Variants in TEAD3 observed in about 807,000 individuals in gnomAD.
TEAD3 encodes the protein TEA domain transcription factor 3.
TEAD3 carries 15 observed loss-of-function variants against 55.6 expected under a neutral mutation model. That is an observed-to-expected ratio of 0.27 (90% CI 0.18 to 0.42). The LOEUF (loss-of-function observed/expected upper bound fraction) is 0.42, where lower values mean the gene tolerates loss of function less well. Among genes scored for constraint, TEAD3 ranks in the 10% least tolerant of loss-of-function variants. TEAD3 has a pLI of 1.00. For synonymous variants in TEAD3, 210 were observed against 232.2 expected (o/e 0.90, Z 0.87); for missense variants, 407 against 576.8 (o/e 0.71, Z 3.01).
At chr6:35,479,831 A>G (rs1485747121) in intron 4 of TEAD3, among the ~76,000 whole-genome samples, 1 of 152,066 alleles carries the variant, frequency 6.6e-6, no homozygotes, top group Non-Finnish European at 1.5e-5. Context: ...GAAGAAGGAG[A>G]AAAAGAAAAA....
Position 35,484,700 on chromosome 6 carries a change from G to T in TEAD3, c.203-76C>A. The T allele has an allele frequency of 7.4e-7, 1 of 1,342,946 alleles. No individual in the cohort carries two copies. Among genetic ancestry groups the T allele is most frequent in the Non-Finnish European group, 1.0e-6 (1 of 958,986 alleles). The allele number at this position is 1,342,946 out of a possible 1,614,324, so 83.2% of individuals were successfully genotyped here. A position where few individuals can be genotyped will look rare whatever the true frequency, so the allele number is the denominator to read the frequency against. ...AGGCTGGAGGCCCCCACCCCACCGG[G>T]AAGCCACTCCAGGACCCTCCCCAAA... On this transcript the variant is annotated intron_variant, in intron 2 of 12. Transcript: ENST00000639578. This position sits in a 1 kb window ranked among gnomAD's most constrained non-coding sequence, Gnocchi z 5.8.
chr6:35,477,580 C>T (rs1332351655), intron 7 of TEAD3, among the ~76,000 whole-genome samples: 3 of 151,734 alleles, frequency 2.0e-5, no homozygotes. Flanking sequence ...GCTGATCTGC[C>T]CATTTAGTGT....
intron 7 of TEAD3, 95 bp from the exon 8 acceptor site, chr6:35,477,467 C>G (rs1768174900): frequency 8.1e-7 from 1 of 1,227,340 alleles, no homozygotes; most frequent in Non-Finnish European, 1.1e-6. Context: ...GCAAGCCACC[C>G]AGCCTTTCTG....
chr6:35,475,078 GC>G lies in TEAD3; in HGVS notation c.1273del (p.Ala425ProfsTer19). On this transcript the variant is annotated frameshift_variant, in exon 13 of 13. Transcript: ENST00000639578. LOFTEE classifies it high-confidence loss of function. The surrounding 1 kb of genome is among the most constrained non-coding windows in gnomAD (Gnocchi z 5.4). ...GACGAGCTTGTAGACATGGTGCTGGGCCCCGTGCTCACTGGTGGAGACTTCG... is the reference window on the plus strand; with the variant it reads ...GACGAGCTTGTAGACATGGTGCTGGGCCCGTGCTCACTGGTGGAGACTTCG... 1 of 1,597,504 alleles carries G rather than the reference GC, an allele frequency of 6.3e-7. No individual in the cohort carries two copies. Among genetic ancestry groups the G allele is most frequent in the South Asian group, 1.1e-5 (1 of 88,274 alleles).
chr6:35,478,606 G>A (rs377052291), intron 5 of TEAD3, 35 bp from the exon 6 acceptor site: 5 of 1,557,174 alleles, frequency 3.2e-6, no homozygotes, highest in African/African-American at 1.4e-5. Context: ...CCAGGGCCAC[G>A]CTGGATGAGG....
rs1405975029 is a variant in TEAD3, at chr6:35,486,948, G to T, written c.-49-237C>A. ...GCCTCAGTCCTGTAAAACGAGAAAA[G>T]GGTCTCCTTGAGGAGACCTCCTTGA... On this transcript the variant is annotated intron_variant, in intron 1 of 12. Transcript: ENST00000639578. This position sits in a 1 kb window ranked among gnomAD's most constrained non-coding sequence, Gnocchi z 7.3. 6.6e-6 allele frequency among the ~76,000 whole-genome samples: 1 copy of T among 152,168 alleles called. No homozygotes were observed. Among genetic ancestry groups the T allele is most frequent in the African/African-American group, 2.4e-5 (1 of 41,432 alleles).
Position 35,486,380 on chromosome 6 carries a change from C to T in TEAD3, c.202+81G>A, listed in dbSNP as rs561523286. The T allele has an allele frequency of 4.3e-5, 64 of 1,490,002 alleles. No homozygotes were observed. Among genetic ancestry groups the T allele is most frequent in the African/African-American group, 3.9e-4 (28 of 71,844 alleles). The allele number at this position is 1,490,002 out of a possible 1,614,324, so 92.3% of individuals were successfully genotyped here. A position where few individuals can be genotyped will look rare whatever the true frequency, so the allele number is the denominator to read the frequency against. On this transcript the variant is annotated intron_variant, in intron 2 of 12. Transcript: ENST00000639578. The surrounding 1 kb of genome is among the most constrained non-coding windows in gnomAD (Gnocchi z 7.3). ...CGCCCGGCCAGCGGCTGGCGGCCTC[C>T]GACGTCACCAAACCGGTTGGGTGAG...
rs963609947 is a variant in TEAD3, at chr6:35,488,049, C to T, written c.-49-1338G>A. ...GGAGAGTCCCTGACCCAGAAGGGCA[C>T]CATTTTATCTTCCCCCAAATCGATA... On this transcript the variant is annotated intron_variant, in intron 1 of 12. Coordinates refer to ENST00000639578, the Ensembl canonical transcript of TEAD3. The surrounding 1 kb of genome is among the most constrained non-coding windows in gnomAD (Gnocchi z 4.2). Among the ~76,000 whole-genome samples the T allele has an allele frequency of 6.8e-6, 1 of 148,032 alleles. No homozygotes were observed. The highest frequency in any genetic ancestry group is 1.5e-5 in the Non-Finnish European group (1 of 67,814).
At chr6:35,477,192 C>G in intron 8 of TEAD3, 119 bp downstream of exon 8, 1 of 1,037,148 alleles carries the variant, frequency 9.6e-7, no homozygotes. Flanking sequence ...TGGCCTGTCC[C>G]AATCTCCTGT....
At chr6:35,480,435 T>C (rs1768244553) in intron 3 of TEAD3, 61 bp from the exon 4 acceptor site, 3 of 1,592,422 alleles carry the variant, frequency 1.9e-6, no homozygotes, top group Admixed American at 3.5e-5. Flanking sequence ...GGCACAGCCA[T>C]GGGGTGGCCG....
At position 35,484,500 on chromosome 6, in the gene TEAD3, GA is replaced by G; in HGVS notation, c.267+59del. 6.5e-7 allele frequency: 1 copy of G among 1,527,294 alleles called. No individual in the cohort carries two copies. The highest frequency in any genetic ancestry group is 8.9e-7 in the Non-Finnish European group (1 of 1,121,762). The allele number at this position is 1,527,294 out of a possible 1,614,324, so 94.6% of individuals were successfully genotyped here. ...GTGGGCAGGGTAGGGGCAAGGGGTTGACCGGGGCAGCTGAGACAGAGTGTGT... is the reference window on the plus strand; with the variant it reads ...GTGGGCAGGGTAGGGGCAAGGGGTTGCCGGGGCAGCTGAGACAGAGTGTGT... On this transcript the variant is annotated intron_variant, in intron 3 of 12. Transcript: ENST00000639578. The surrounding 1 kb of genome is among the most constrained non-coding windows in gnomAD (Gnocchi z 5.8).
Position 35,477,340 on chromosome 6 carries a change from ATGGGGTAGGCTGGC to A in TEAD3, c.549_562del (p.Gln183HisfsTer13). 2 of 1,604,992 alleles carry A rather than the reference ATGGGGTAGGCTGGC, an allele frequency of 1.2e-6. No homozygotes were observed. Among genetic ancestry groups the A allele is most frequent in the Non-Finnish European group, 1.7e-6 (2 of 1,179,696 alleles). On this transcript the variant is annotated frameshift_variant, in exon 8 of 13. Transcript: ENST00000639578. LOFTEE classifies it high-confidence loss of function. ...GAGCGTCGGCGGCAGGGGCGGCTGG[ATGGGGTAGGCTGGC>A]TGTGCAAAGGGCTTGATGCTGCAGA...
rs2150917974 is a variant in TEAD3, at chr6:35,491,790, T to C, written c.-49-5079A>G. ...GCTAGGAGGCTGGGTGAGCAGGCTT[T>C]GGGGCCCTGGGGAAGATAAGGGGCA... On this transcript the variant is annotated intron_variant, in intron 1 of 12. Transcript: ENST00000639578. This position sits in a 1 kb window ranked among gnomAD's most constrained non-coding sequence, Gnocchi z 4.4. 6.6e-6 allele frequency among the ~76,000 whole-genome samples: 1 copy of C among 152,250 alleles called. No homozygotes were observed. The highest frequency in any genetic ancestry group is 2.1e-4 in the South Asian group (1 of 4,832).
intron 1 of TEAD3, among the ~76,000 whole-genome samples, chr6:35,494,617 C>T (rs1177547317): frequency 6.6e-6 from 1 of 152,174 alleles, no homozygotes; most frequent in Non-Finnish European, 1.5e-5. Context: ...CCTCCTAGCC[C>T]CTTCACAGAA....
rs1254418093 is a variant in TEAD3, at chr6:35,483,763, C to T, written c.267+797G>A. Among the ~76,000 whole-genome samples the T allele has an allele frequency of 6.6e-6, 1 of 152,198 alleles. No individual in the cohort carries two copies. Among genetic ancestry groups the T allele is most frequent in the Non-Finnish European group, 1.5e-5 (1 of 68,040 alleles). On this transcript the variant is annotated intron_variant, in intron 3 of 12. Transcript: ENST00000639578. This position sits in a 1 kb window ranked among gnomAD's most constrained non-coding sequence, Gnocchi z 4.5. ...TGTCTCCTGCTGAGTGTCCCCTACC[C>T]CAGCAGTCCCCACCCTCCCTCCACC...
intron 1 of TEAD3, among the ~76,000 whole-genome samples, chr6:35,494,647 C>G (rs942725003): frequency 8.5e-5 from 13 of 152,162 alleles, no homozygotes; most frequent in African/African-American, 2.4e-5. Context: ...GTTTAGACCC[C>G]TGGGCTCCTC....
Position 35,490,897 on chromosome 6 carries a change from G to A in TEAD3, c.-49-4186C>T, listed in dbSNP as rs149864677. ...GAGGGCAAGCCCTGGGCTGCTGGCT[G>A]ATGATGCCCAGGTATCTAGAAACTC... On this transcript the variant is annotated intron_variant, in intron 1 of 12. Coordinates refer to ENST00000639578, the Ensembl canonical transcript of TEAD3. 9.4e-3 allele frequency among the ~76,000 whole-genome samples: 1,429 copies of A among 152,228 alleles called. 16 individuals carry two copies. Among genetic ancestry groups the A allele is most frequent in the Middle Eastern group, 0.044 (13 of 294 alleles).
intron 4 of TEAD3, 121 bp from the exon 5 acceptor site, chr6:35,479,437 A>G (rs1561804447): frequency 3.9e-6 from 5 of 1,282,896 alleles, no homozygotes; most frequent in Non-Finnish European, 5.6e-6. Flanking sequence ...CGAGGAGCCC[A>G]AGGAAGCTCA....
intron 3 of TEAD3, among the ~76,000 whole-genome samples, chr6:35,481,872 C>T (rs772331707): frequency 2.6e-5 from 4 of 152,196 alleles, no homozygotes; most frequent in Non-Finnish European, 5.9e-5. Flanking sequence ...TCACACAGAG[C>T]TTCATTCTAA....
Sources: gnomAD v4.1 joint callset for allele counts (sites outside exome capture counted in the v4.1 genomes callset) on GRCh38, gnomAD v4.1.1 for gene constraint, Gnocchi (gnomAD v3.1) non-coding constraint, MANE v1.5 for transcripts, NCBI Gene and HGNC (gene_info 2026-07-23, HGNC 2026-07-21) for gene names.